Variants in SP140L observed in about 807,000 individuals in gnomAD.
SP140L encodes the protein nuclear body protein SP140-like protein.
SP140L carries 64 observed loss-of-function variants against 84.3 expected under a neutral mutation model. That is an observed-to-expected ratio of 0.76 (90% CI 0.62 to 0.94). The LOEUF is 0.94. Among genes scored for constraint, SP140L ranks in the 40% least tolerant of loss-of-function variants. The pLI is 0.00. For synonymous variants in SP140L, 242 were observed against 236.9 expected (o/e 1.02, Z -0.20); for missense variants, 628 against 692.5 (o/e 0.91, Z 1.05).
intron 2 of SP140L, among the ~76,000 whole-genome samples, chr2:230,343,605 G>A (rs1299015812): frequency 8.5e-6 from 1 of 118,194 alleles, no homozygotes; most frequent in Non-Finnish European, 1.9e-5. Context: ...ATCCAGTAAT[G>A]GGATTGCTGG....
chr2:230,370,967 G>C lies in SP140L; in HGVS notation c.583G>C (p.Asp195His). 6.2e-7 allele frequency: 1 copy of C among 1,613,674 alleles called. No homozygotes were observed. ...KESDQACGKM[D>H]TVDIANNSTL... is the part of the protein sequence containing the mutation. Reference sequence around the variant, plus strand: ...AAGTGACCAAGCATGTGGCAAAATGGGTAAGGCTGCCTGAGGGCTGTGGGA... The same window carrying C: ...AAGTGACCAAGCATGTGGCAAAATGCGTAAGGCTGCCTGAGGGCTGTGGGA... Residue 195 changes from aspartate (D) to histidine (H), a missense_variant and splice_region_variant, in exon 6 of 19, where the codon GAT becomes CAT. By Grantham distance (81) the Asp-to-His change is moderately conservative (BLOSUM62 -1). Around this residue, in one of 4 missense-constraint regions of SP140L, gnomAD observed 525 missense variants for 518.4 expected, o/e 1.01. Coordinates refer to ENST00000415673, the MANE Select transcript of SP140L (RefSeq NM_138402.6).
At chr2:230,377,841 C>T (rs949859855) in intron 7 of SP140L, among the ~76,000 whole-genome samples, 5 of 93,572 alleles carry the variant, frequency 5.3e-5, no homozygotes, top group African/African-American at 2.1e-4. Flanking sequence ...TTTATAAAGT[C>T]TACATTTACC....
intron 5 of SP140L, among the ~76,000 whole-genome samples, chr2:230,366,425 T>C (rs934274691): frequency 1.3e-5 from 2 of 152,060 alleles, no homozygotes; most frequent in Admixed American, 1.3e-4. Context: ...TCATCTGATA[T>C]AAGTATAGCT....
At chr2:230,335,905 A>G (rs553777067) in intron 2 of SP140L, among the ~76,000 whole-genome samples, 1 of 152,300 alleles carries the variant, frequency 6.6e-6, no homozygotes, top group South Asian at 2.1e-4. Flanking sequence ...GCCAGACCAA[A>G]CTGAAAGTAC....
chr2:230,363,107 G>T (rs1284823932), intron 5 of SP140L, among the ~76,000 whole-genome samples: 2 of 152,164 alleles, frequency 1.3e-5, no homozygotes, highest in African/African-American at 4.8e-5. Context: ...TTCAATTTAT[G>T]TTGGGTTTAT....
chr2:230,355,144 T>C (rs1207087847), intron 2 of SP140L, among the ~76,000 whole-genome samples: 2 of 152,136 alleles, frequency 1.3e-5, no homozygotes, highest in African/African-American at 2.4e-5. Context: ...AATTGTTATT[T>C]TGGGGAAAGA....
intron 2 of SP140L, among the ~76,000 whole-genome samples, chr2:230,357,481 A>G (rs796860740): frequency 2.1e-4 from 32 of 152,266 alleles, no homozygotes; most frequent in African/African-American, 7.5e-4. Flanking sequence ...TGCTTACTCC[A>G]TCTAGATTCT....
At chr2:230,379,192 A>C (rs1347184566) in intron 7 of SP140L, among the ~76,000 whole-genome samples, 1 of 152,014 alleles carries the variant, frequency 6.6e-6, no homozygotes, top group African/African-American at 2.4e-5. Flanking sequence ...TTAGCTTTTT[A>C]ATGAATTTTT....
At chr2:230,379,020 A>T (rs2061329432) in intron 7 of SP140L, among the ~76,000 whole-genome samples, 1 of 152,140 alleles carries the variant, frequency 6.6e-6, no homozygotes, top group Admixed American at 6.5e-5. Context: ...TGCTTTATCC[A>T]TATTGGTGCT....
chr2:230,382,897 C>T (rs2061454792), intron 7 of SP140L, among the ~76,000 whole-genome samples: 1 of 152,216 alleles, frequency 6.6e-6, no homozygotes, highest in Non-Finnish European at 1.5e-5. Context: ...ATAAAGGGCA[C>T]ATCAGACTGC....
chr2:230,345,890 G>A (rs2060194621), intron 2 of SP140L, among the ~76,000 whole-genome samples: 1 of 152,004 alleles, frequency 6.6e-6, no homozygotes, highest in Admixed American at 6.5e-5. Context: ...TTTTATGCTA[G>A]AATTGAAAGT....
chr2:230,402,939 G>A lies in SP140L; in HGVS notation c.*43G>A. ...GAAGGCCTTCAGGAAATATGCTACT[G>A]GTTGCCACTGACTTCAAACTGAGAG... On this transcript the variant is annotated 3_prime_UTR_variant, in exon 19 of 19. Coordinates refer to ENST00000415673, the MANE Select transcript of SP140L (RefSeq NM_138402.6). 2.0e-6 allele frequency: 3 copies of A among 1,518,086 alleles called. No homozygotes were observed. The highest frequency in any genetic ancestry group is 2.7e-6 in the Non-Finnish European group (3 of 1,112,712). 94.0% of individuals were successfully genotyped at this position (1,518,086 alleles called of 1,614,324 possible). A position where few individuals can be genotyped will look rare whatever the true frequency, so the allele number is the denominator to read the frequency against.
chr2:230,397,007 A>G (rs1036354985), intron 14 of SP140L, among the ~76,000 whole-genome samples: 1 of 152,196 alleles, frequency 6.6e-6, no homozygotes, highest in Non-Finnish European at 1.5e-5. Flanking sequence ...CATCTGTTTC[A>G]GTGGAAACCC....
At chr2:230,344,281 G>T (rs1040587587) in intron 2 of SP140L, among the ~76,000 whole-genome samples, 2 of 152,090 alleles carry the variant, frequency 1.3e-5, no homozygotes, top group Non-Finnish European at 2.9e-5. Flanking sequence ...TGTTCTCTTT[G>T]TCTTTTTAAA....
intron 2 of SP140L, among the ~76,000 whole-genome samples, chr2:230,335,932 C>G (rs11890934): frequency 2.6e-5 from 4 of 152,008 alleles, no homozygotes; most frequent in African/African-American, 9.7e-5. Flanking sequence ...TTTATTGCAG[C>G]GTGAAAGCAA....
At chr2:230,346,375 A>AC (rs1274031746) in intron 2 of SP140L, among the ~76,000 whole-genome samples, 1 of 152,046 alleles carries the variant, frequency 6.6e-6, no homozygotes, top group African/African-American at 2.4e-5. Flanking sequence ...GTATTGTTGA[A>AC]CCTGTTTGGG....
At chr2:230,348,174 A>C (rs2149708962) in intron 2 of SP140L, among the ~76,000 whole-genome samples, 1 of 152,368 alleles carries the variant, frequency 6.6e-6, no homozygotes, top group Middle Eastern at 3.4e-3. Flanking sequence ...GGAGCAACAC[A>C]GTCAAAGTGA....
At chr2:230,380,239 A>G (rs759959677) in intron 7 of SP140L, among the ~76,000 whole-genome samples, 5 of 152,196 alleles carry the variant, frequency 3.3e-5, no homozygotes, top group Non-Finnish European at 5.9e-5. Context: ...CTTGTTCACT[A>G]CCATGAGAAC....
chr2:230,357,089 T>G (rs572997700), intron 2 of SP140L, among the ~76,000 whole-genome samples: 20 of 152,278 alleles, frequency 1.3e-4, no homozygotes, highest in East Asian at 1.2e-3. Flanking sequence ...AGAACTAGAA[T>G]TAGAGACTCA....
Sources: allele counts gnomAD v4.1 joint callset (sites outside exome capture counted in the v4.1 genomes callset), GRCh38; gene constraint gnomAD v4.1.1; regional missense constraint gnomAD v4.1.1; transcripts MANE v1.5; gene names NCBI Gene and HGNC (gene_info 2026-07-23, HGNC 2026-07-21).